Variants in CERCAM observed in about 807,000 individuals in gnomAD.
CERCAM encodes the protein cerebral endothelial cell adhesion molecule.
In CERCAM, 59 loss-of-function variants were observed where a neutral mutation model predicts 66.0. That is an observed-to-expected ratio of 0.89 (90% CI 0.73 to 1.11). The LOEUF (loss-of-function observed/expected upper bound fraction) is 1.11. CERCAM is among the 50% of genes most tolerant of loss of function. The probability of loss-of-function intolerance (pLI) is 0.00; values close to 1 mark genes in which losing one functional copy is unlikely to be tolerated. For synonymous variants in CERCAM, 318 were observed against 343.6 expected (o/e 0.93, Z 0.83); for missense variants, 840 against 828.3 (o/e 1.01, Z -0.17).
chr9:128,430,113 A>G (rs890570503), intron 8 of CERCAM, among the ~76,000 whole-genome samples: 2 of 152,018 alleles, frequency 1.3e-5, no homozygotes, highest in African/African-American at 4.8e-5. Context: ...ATGAAAAAAA[A>G]TTTTTGACTG....
chr9:128,437,351 ATATATGTATGTATATATATG>A (rs1224176233), downstream of CERCAM: 1 of 107,862 alleles, frequency 9.3e-6, no homozygotes, highest in Non-Finnish European at 1.7e-5. Flanking sequence ...CTTTAAATAT[ATATATGTATGTATATATATG>A]TATATATATA....
At chr9:128,429,720 C>T (rs1391792778) in intron 8 of CERCAM, among the ~76,000 whole-genome samples, 1 of 152,014 alleles carries the variant, frequency 6.6e-6, no homozygotes, top group Non-Finnish European at 1.5e-5. Context: ...CTCAAGTAAT[C>T]CTCCCACCTC....
chr9:128,421,275 C>T, intron 1 of CERCAM: 11 of 1,231,204 alleles, frequency 8.9e-6, no homozygotes, highest in Non-Finnish European at 1.1e-5. Context: ...CCTCTGAGGC[C>T]ACAGGCCGAC....
At chr9:128,424,722 C>A in intron 5 of CERCAM, 108 bp downstream of exon 5, 1 of 1,036,292 alleles carries the variant, frequency 9.6e-7, no homozygotes, top group South Asian at 1.4e-5. Context: ...ATCCTGTTAA[C>A]CCATGAGTTA....
In CERCAM at chr9:128,428,929, G is replaced by A. The variant is rs1279394516; in HGVS notation, c.964-1G>A. The A allele has an allele frequency of 6.2e-7, 1 of 1,608,954 alleles. No individual in the cohort carries two copies. The highest frequency in any genetic ancestry group is 8.5e-7 in the Non-Finnish European group (1 of 1,177,558). On this transcript the variant is annotated splice_acceptor_variant, in intron 7 of 12. Transcript: ENST00000372838. LOFTEE classifies it high-confidence loss of function. ...ACCGCCCACCCCCCTGCCTCCTCCA[G>A]GTCTTTGTCATCAGCCTGGCTCGCA...
intron 9 of CERCAM, among the ~76,000 whole-genome samples, chr9:128,432,822 C>T (rs571065714): frequency 1.1e-4 from 17 of 151,796 alleles, no homozygotes; most frequent in Admixed American, 5.9e-4. Context: ...GGTCTTCCCA[C>T]CCCCCACCCA....
Position 128,423,617 on chromosome 9 carries a change from C to CAAAA in CERCAM, c.426+367_426+370dup, listed in dbSNP as rs751848613. ...GGGTGACAAGAGTGAAACTCAGTCT[C>CAAAA]AAAAAAAAAAAAAAAAGAAAAAGAA... On this transcript the variant is annotated intron_variant, in intron 3 of 12. Transcript: ENST00000372838. 5.2e-3 allele frequency among the ~76,000 whole-genome samples: 429 copies of CAAAA among 81,862 alleles called. 4 individuals are homozygous for CAAAA. The highest frequency in any genetic ancestry group is 0.017 in the African/African-American group (413 of 24,916). 53.7% of individuals were successfully genotyped at this position (81,862 alleles called of 152,430 possible). A position where few individuals can be genotyped will look rare whatever the true frequency, so the allele number is the denominator to read the frequency against.
intron 9 of CERCAM, among the ~76,000 whole-genome samples, chr9:128,432,721 A>C (rs1834003960): frequency 6.6e-6 from 1 of 152,176 alleles, no homozygotes; most frequent in Admixed American, 6.5e-5. Context: ...TTTTCACAGA[A>C]GTTATCAAAA....
intron 5 of CERCAM, among the ~76,000 whole-genome samples, chr9:128,425,181 C>T (rs1198293640): frequency 6.6e-5 from 10 of 151,868 alleles, no homozygotes; most frequent in Non-Finnish European, 1.2e-4. Flanking sequence ...CTCAGCCTCC[C>T]GAGTAGCTGG....
chr9:128,433,216 A>T (rs1468345881), intron 9 of CERCAM, among the ~76,000 whole-genome samples: 3 of 149,182 alleles, frequency 2.0e-5, no homozygotes, highest in Non-Finnish European at 4.4e-5. Context: ...GAGGCGGAGC[A>T]TGCAGTGAGC....
rs376824941 is a variant in CERCAM at position 128,434,225 on chromosome 9, C to A, written c.1327C>A (p.Leu443Met). The A allele has an allele frequency of 7.4e-5, 120 of 1,613,898 alleles. No homozygotes were observed. The highest frequency in any genetic ancestry group is 9.8e-5 in the Non-Finnish European group (116 of 1,179,976). ...GGAGGCAGAGAAACTGTCTTGGGACCTGATGTAGGCAGCCTGCACCCTCAG... is the reference window on the plus strand; with the variant it reads ...GGAGGCAGAGAAACTGTCTTGGGACATGATGTAGGCAGCCTGCACCCTCAG... ...DVEAEKLSWD[L>M]IYLGRKQVNP... The change falls in exon 10 of 13, where the codon CTG becomes ATG. Residue 443 changes from leucine (L) to methionine (M), a missense_variant. By Grantham distance (15) the Leu-to-Met change is conservative. Coordinates refer to ENST00000372838, the MANE Select transcript of CERCAM (RefSeq NM_016174.5). The surrounding 1 kb of genome is among the most constrained non-coding windows in gnomAD (Gnocchi z 4.5).
chr9:128,431,516 A>G, intron 9 of CERCAM: 2 of 586,950 alleles, frequency 3.4e-6, no homozygotes, highest in Non-Finnish European at 6.0e-6. Flanking sequence ...ACTATGTGCT[A>G]GGAGATATTC....
Position 128,435,859 on chromosome 9 carries a change from G to GCAGCAGCGGGCACAGCCTCCAACCC in CERCAM, c.1747_1771dup (p.Pro591GlnfsTer12), listed in dbSNP as rs1834100606. Reference sequence around the variant, plus strand: ...CGCAGCCCCCGCCTGGACCTGACTGGCAGCAGCGGGCACAGCCTCCAACCC... The same window carrying GCAGCAGCGGGCACAGCCTCCAACCC: ...CGCAGCCCCCGCCTGGACCTGACTGGCAGCAGCGGGCACAGCCTCCAACCCCAGCAGCGGGCACAGCCTCCAACCC... On this transcript the variant is annotated frameshift_variant, in exon 12 of 13. Transcript: ENST00000372838. LOFTEE classifies it high-confidence loss of function. 2 of 1,608,626 alleles carry GCAGCAGCGGGCACAGCCTCCAACCC rather than the reference G, an allele frequency of 1.2e-6. No individual in the cohort carries two copies. Among genetic ancestry groups the GCAGCAGCGGGCACAGCCTCCAACCC allele is most frequent in the Non-Finnish European group, 1.7e-6 (2 of 1,179,036 alleles).
chr9:128,430,853 T>TAAAA, intron 8 of CERCAM: 9 of 144,058 alleles, frequency 6.2e-5, no homozygotes, highest in Non-Finnish European at 1.1e-4. Context: ...CCATCTCTAC[T>TAAAA]AAAAAAAAAA....
At chr9:128,428,077 G>C (rs1167497796) in intron 5 of CERCAM, among the ~76,000 whole-genome samples, 6 of 152,284 alleles carry the variant, frequency 3.9e-5, no homozygotes, top group African/African-American at 1.4e-4. Context: ...GCTCCCAGCG[G>C]GTGCCCTGGA....
chr9:128,434,296 T>G lies in CERCAM; in HGVS notation c.1331+67T>G, dbSNP rs112392544. 8.1e-6 allele frequency: 13 copies of G among 1,606,036 alleles called. No homozygotes were observed. Among genetic ancestry groups the G allele is most frequent in the African/African-American group, 2.7e-5 (2 of 74,800 alleles). On this transcript the variant is annotated intron_variant, in intron 10 of 12. Transcript: ENST00000372838. The surrounding 1 kb of genome is among the most constrained non-coding windows in gnomAD (Gnocchi z 4.5). The stretch of plus-strand genomic sequence containing the variant: ...CCTCCGGAGTCTGCCTTTTCCTGCT[T>G]GGGACCCTGGCCGGCCCATCCCCTG...
Position 128,428,402 on chromosome 9 carries a change from C to A in CERCAM, c.867C>A (p.His289Gln). ...GLEDERVNFIHLILEALVDGP... is the reference protein window; with the variant it reads ...GLEDERVNFIQLILEALVDGP... The stretch of plus-strand genomic sequence containing the variant: ...AAGACGAGAGGGTCAACTTCATCCA[C>A]CTGATCTTAGAAGCACTAGGTGAGG... The change falls in exon 6 of 13, where the codon CAC (histidine) becomes CAA (glutamine). Residue 289 changes from histidine (H) to glutamine (Q), a missense_variant. His to Gln is a conservative substitution (Grantham distance 24). Coordinates refer to ENST00000372838, the MANE Select transcript of CERCAM (RefSeq NM_016174.5). 6.2e-7 allele frequency: 1 copy of A among 1,614,140 alleles called. No individual in the cohort carries two copies. The highest frequency in any genetic ancestry group is 8.5e-7 in the Non-Finnish European group (1 of 1,179,996).
intron 6 of CERCAM, 108 bp downstream of exon 6, chr9:128,428,529 C>T: frequency 7.2e-7 from 1 of 1,383,638 alleles, no homozygotes. Context: ...CTTGGGGTTC[C>T]AGCTTTGTCC....
Position 128,428,766 on chromosome 9 carries a change from C to T in CERCAM, c.896C>T (p.Pro299Leu), listed in dbSNP as rs1833904358. 1.2e-6 allele frequency: 2 copies of T among 1,613,910 alleles called. No individual in the cohort carries two copies. The highest frequency in any genetic ancestry group is 4.5e-5 in the East Asian group (2 of 44,870). Residue 299 changes from proline (P) to leucine (L), a missense_variant, in exon 7 of 13, where the codon CCC (proline) becomes CTC (leucine). By Grantham distance (98) the Pro-to-Leu change is moderately conservative. Coordinates refer to ENST00000372838, the MANE Select transcript of CERCAM (RefSeq NM_016174.5). ...GTGCTTCCCTTTGCAGTGGACGGCCCCCGCATGCAGGCCTCAGCTCATGTG... is the reference window on the plus strand; with the variant it reads ...GTGCTTCCCTTTGCAGTGGACGGCCTCCGCATGCAGGCCTCAGCTCATGTG... ...HLILEALVDG[P>L]RMQASAHVTR...
Sources: allele counts gnomAD v4.1 joint callset (sites outside exome capture counted in the v4.1 genomes callset), GRCh38; gene constraint gnomAD v4.1.1; non-coding constraint Gnocchi (gnomAD v3.1); transcripts MANE v1.5; gene names NCBI Gene and HGNC (gene_info 2026-07-23, HGNC 2026-07-21).